ENOPH1: variants seen among roughly 807,000 people sequenced by gnomAD.
ENOPH1 encodes the protein enolase-phosphatase E1.
In ENOPH1, 14 loss-of-function variants were observed where a neutral mutation model predicts 31.1. That is an observed-to-expected ratio of 0.45 (90% confidence interval 0.30 to 0.70). The LOEUF (loss-of-function observed/expected upper bound fraction) is 0.70. Ranked by LOEUF, ENOPH1 falls within the 30% of genes least tolerant of loss-of-function variation. The probability of loss-of-function intolerance (pLI) is 0.09; values close to 1 mark genes in which losing one functional copy is unlikely to be tolerated. For missense variants in ENOPH1, 243 were observed against 321.5 expected (o/e 0.76, Z 1.87); for synonymous variants, 127 against 123.2 (o/e 1.03, Z -0.21).
chr4:82,442,146 A>G (rs889276436), intron 1 of ENOPH1, among the ~76,000 whole-genome samples: 2 of 152,236 alleles, frequency 1.3e-5, no homozygotes, highest in African/African-American at 2.4e-5. Flanking sequence ...CTTCTTGTCC[A>G]TTGCATGTAA....
intron 1 of ENOPH1, among the ~76,000 whole-genome samples, chr4:82,439,051 CG>C (rs1279837908): frequency 2.0e-5 from 3 of 152,128 alleles, no homozygotes; most frequent in Admixed American, 6.5e-5. Flanking sequence ...ACTAAAGAGT[CG>C]TGTGGAAAGT....
intron 4 of ENOPH1, among the ~76,000 whole-genome samples, chr4:82,455,643 G>A (rs970945336): frequency 2.6e-5 from 4 of 151,956 alleles, no homozygotes; most frequent in Non-Finnish European, 5.9e-5. Flanking sequence ...AAAATTAGCC[G>A]GACGTGGTGG....
intron 1 of ENOPH1, among the ~76,000 whole-genome samples, chr4:82,440,408 C>T (rs1229262566): frequency 6.6e-6 from 1 of 152,156 alleles, no homozygotes; most frequent in African/African-American, 2.4e-5. Flanking sequence ...AGCTGGATGG[C>T]TTCAGGTGTT....
chr4:82,446,969 G>A (rs188605645), intron 1 of ENOPH1, among the ~76,000 whole-genome samples: 3,148 of 151,340 alleles, frequency 0.021, 54 homozygotes, highest in Middle Eastern at 0.061. Context: ...GCCTCCCAAA[G>A]TGCTGGGATT....
At position 82,451,385 on chromosome 4, in the gene ENOPH1, C is replaced by T. The variant is rs113497622; in HGVS notation, c.389+140C>T. The T allele has an allele frequency of 6.3e-4, 536 of 855,092 alleles. No homozygotes were observed. The African/African-American group carries it at 7.8e-3, about 12-fold the overall frequency. 53.0% of individuals were successfully genotyped at this position (855,092 alleles called of 1,614,324 possible). A position where few individuals can be genotyped will look rare whatever the true frequency, so the allele number is the denominator to read the frequency against. Reference sequence around the variant, plus strand: ...CACTCTTTTTAGTCTAACAAGTGAGCTTTGTTTCATTTTTTCAAAACTTGG... The same window carrying T: ...CACTCTTTTTAGTCTAACAAGTGAGTTTTGTTTCATTTTTTCAAAACTTGG... On this transcript the variant is annotated intron_variant, in intron 3 of 5. Coordinates refer to ENST00000273920, the MANE Select transcript of ENOPH1 (RefSeq NM_021204.5).
intron 5 of ENOPH1, 49 bp from the exon 6 acceptor site, chr4:82,459,932 A>G (rs1185758995): frequency 6.2e-7 from 1 of 1,602,750 alleles, no homozygotes; most frequent in Non-Finnish European, 8.5e-7. Context: ...AATCTCAGAC[A>G]TCATTTTTTG....
chr4:82,431,058 A>C, intron 1 of ENOPH1, 145 bp downstream of exon 1: 1 of 709,950 alleles, frequency 1.4e-6, no homozygotes, highest in Non-Finnish European at 2.4e-6. Flanking sequence ...GAAGGAGAGA[A>C]AGCCTGCGGT....
Position 82,430,844 on chromosome 4 carries a change from G to A in ENOPH1, c.15G>A (p.Ser5=), listed in dbSNP as rs1171120151. The A allele has an allele frequency of 6.2e-7, 1 of 1,614,032 alleles. No individual in the cohort carries two copies. The highest frequency in any genetic ancestry group is 1.3e-5 in the African/African-American group (1 of 74,944). The part of the protein sequence containing the change: MVVL[S]VPAEVTVILL... ...CCGGTAGGGAAATGGTCGTGCTTTC[G>A]GTCCCCGCCGAAGTCACCGTGATCC... is the stretch of plus-strand genomic sequence containing the variant. Residue 5 remains serine (S), a synonymous_variant, in exon 1 of 6, where the codon TCG becomes TCA. Coordinates refer to ENST00000273920, the MANE Select transcript of ENOPH1 (RefSeq NM_021204.5).
rs1722609447 is a variant in ENOPH1 at position 82,460,153 on chromosome 4, C to G, written c.*33C>G. On this transcript the variant is annotated 3_prime_UTR_variant, in exon 6 of 6. Transcript: ENST00000273920. Reference sequence around the variant, plus strand: ...TTGTTAAGGCAGACCGCCCTGTTCCCCAGAGTTGTCCCTGTAGTGTCTAGG... The same window carrying G: ...TTGTTAAGGCAGACCGCCCTGTTCCGCAGAGTTGTCCCTGTAGTGTCTAGG... 6.2e-7 allele frequency: 1 copy of G among 1,612,178 alleles called. No homozygotes were observed. The highest frequency in any genetic ancestry group is 8.5e-7 in the Non-Finnish European group (1 of 1,178,660).
chr4:82,432,470 CA>C (rs1270508086), intron 1 of ENOPH1, among the ~76,000 whole-genome samples: 4 of 152,110 alleles, frequency 2.6e-5, no homozygotes, highest in African/African-American at 9.7e-5. Context: ...GCAGCCTCTC[CA>C]GTAGCTGGGA....
At chr4:82,441,006 G>A (rs1251008116) in intron 1 of ENOPH1, among the ~76,000 whole-genome samples, 1 of 152,142 alleles carries the variant, frequency 6.6e-6, no homozygotes, top group Non-Finnish European at 1.5e-5. Context: ...CTCCTACTGT[G>A]GTCTTCAGGA....
At chr4:82,458,481 G>C (rs1369760516) in intron 5 of ENOPH1, among the ~76,000 whole-genome samples, 2 of 152,168 alleles carry the variant, frequency 1.3e-5, no homozygotes, top group Non-Finnish European at 2.9e-5. Flanking sequence ...CTGCACTCCA[G>C]CCTGAGCGAC....
At chr4:82,440,976 ACACAGAAACTT>A (rs1390862525) in intron 1 of ENOPH1, among the ~76,000 whole-genome samples, 1 of 152,200 alleles carries the variant, frequency 6.6e-6, no homozygotes, top group Non-Finnish European at 1.5e-5. Flanking sequence ...GGCAGCCAGA[ACACAGAAACTT>A]CTTGATAGCT....
rs746073475 is a variant in ENOPH1, at chr4:82,447,899, TTCTTTTAC to T, written c.85-13_85-6del. The T allele has an allele frequency of 7.8e-5, 116 of 1,485,968 alleles. 1 individual carries two copies. In the African/African-American group the frequency reaches 1.5e-3, roughly 19 times the overall value. 92.0% of individuals were successfully genotyped at this position (1,485,968 alleles called of 1,614,324 possible). On this transcript the variant is annotated splice_polypyrimidine_tract_variant and intron_variant, in intron 1 of 5. Transcript: ENST00000273920. Reference sequence around the variant, plus strand: ...ACTGATAAAAGCTAACTCTTGTATTTTCTTTTACTCTTTTATCCAGGACATTTTATTTC... The same window carrying T: ...ACTGATAAAAGCTAACTCTTGTATTTTCTTTTATCCAGGACATTTTATTTC...
chr4:82,431,755 A>G (rs1382563858), intron 1 of ENOPH1, among the ~76,000 whole-genome samples: 1 of 152,206 alleles, frequency 6.6e-6, no homozygotes, highest in African/African-American at 2.4e-5. Flanking sequence ...TTCATTGCAG[A>G]TACAAGTACT....
At chr4:82,441,601 T>C (rs940629813) in intron 1 of ENOPH1, among the ~76,000 whole-genome samples, 3 of 152,052 alleles carry the variant, frequency 2.0e-5, no homozygotes, top group Admixed American at 2.0e-4. Context: ...GCCACTGCAC[T>C]CCAGCCTGGG....
chr4:82,458,418 G>A (rs1722555883), intron 5 of ENOPH1, among the ~76,000 whole-genome samples: 1 of 152,124 alleles, frequency 6.6e-6, no homozygotes. Flanking sequence ...GCTGAGGCAG[G>A]AGAATTGCTT....
chr4:82,430,608 G>T lies in ENOPH1; in HGVS notation c.-222G>T. 1.1e-5 allele frequency: 6 copies of T among 550,104 alleles called. No individual in the cohort carries two copies. The South Asian group carries it at 1.1e-4, about 10-fold the overall frequency. 34.1% of individuals were successfully genotyped at this position (550,104 alleles called of 1,614,324 possible). ...CCACGTGGTCTCGGGCTCCTGCCCCGTCCTGCTCACGAGTTCAGGGCTCCT... is the reference window on the plus strand; with the variant it reads ...CCACGTGGTCTCGGGCTCCTGCCCCTTCCTGCTCACGAGTTCAGGGCTCCT... On this transcript the variant is annotated 5_prime_UTR_variant, in exon 1 of 6. Transcript: ENST00000273920.
intron 1 of ENOPH1, among the ~76,000 whole-genome samples, chr4:82,445,823 G>A (rs570492334): frequency 7.2e-5 from 11 of 152,296 alleles, no homozygotes; most frequent in South Asian, 2.1e-4. Context: ...GTACAGTGGC[G>A]CATTTTATAG....
Sources: allele counts gnomAD v4.1 joint callset (sites outside exome capture counted in the v4.1 genomes callset), GRCh38; gene constraint gnomAD v4.1.1; transcripts MANE v1.5; gene names NCBI Gene and HGNC (gene_info 2026-07-23, HGNC 2026-07-21).